Variants in CTSC observed in about 807,000 individuals in gnomAD.
CTSC encodes the protein dipeptidyl peptidase 1.
Under a neutral mutation model 40.9 loss-of-function variants are expected in CTSC, and 37 were observed. That is an observed-to-expected ratio of 0.91 (90% CI 0.70 to 1.19). The LOEUF is 1.19. CTSC is among the 50% of genes most tolerant of loss of function. The pLI, the probability that CTSC is intolerant of heterozygous loss-of-function variation, is 0.00. For missense variants in CTSC, 594 were observed against 567.3 expected (o/e 1.05, Z -0.48); for synonymous variants, 232 against 207.4 (o/e 1.12, Z -1.02).
intron 4 of CTSC, 52 bp from the exon 5 acceptor site, chr11:88,300,697 T>C (rs1944350324): frequency 2.6e-6 from 3 of 1,144,124 alleles, no homozygotes; most frequent in Non-Finnish European, 4.0e-6. Context: ...CCTTTGAGGA[T>C]GATTTCCTAA....
At chr11:88,315,400 A>G (rs1417509797) in intron 2 of CTSC, among the ~76,000 whole-genome samples, 1 of 152,238 alleles carries the variant, frequency 6.6e-6, no homozygotes, top group Non-Finnish European at 1.5e-5. Flanking sequence ...TTTAAAAAGT[A>G]TTAGGTAAAC....
rs775201891 is a variant in CTSC at position 88,294,073 on chromosome 11, C to T, written c.1325G>A (p.Arg442His). ...AATTGCACACTCATCAGTTCCTCTG[C>T]GGATCCGGAAGTAGCCATTCTCACC... is the stretch of plus-strand genomic sequence containing the variant. Reference protein sequence around the residue: ...GWGENGYFRIRRGTDECAIES... With the variant: ...GWGENGYFRIHRGTDECAIES... Residue 442 changes from arginine to histidine, a missense_variant, in exon 7 of 7, where the codon CGC becomes CAC. Coordinates refer to ENST00000227266, the MANE Select transcript of CTSC (RefSeq NM_001814.6). 1.5e-5 allele frequency: 25 copies of T among 1,613,884 alleles called. No individual in the cohort carries two copies. The highest frequency in any genetic ancestry group is 1.6e-4 in the Middle Eastern group (1 of 6,084).
intron 2 of CTSC, chr11:88,323,085 C>A (rs1287542541): frequency 1.3e-5 from 2 of 152,214 alleles, no homozygotes; most frequent in Admixed American, 6.5e-5. Flanking sequence ...GTCAAGTTGG[C>A]TTCATCCCCA....
chr11:88,313,281 G>A (rs1469901234), intron 2 of CTSC, among the ~76,000 whole-genome samples: 30 of 152,172 alleles, frequency 2.0e-4, no homozygotes, highest in Non-Finnish European at 1.2e-4. Context: ...ATGTTGGCCA[G>A]GCTGGTCTTG....
At position 88,336,416 on chromosome 11, in the gene CTSC, G is replaced by A. The variant is rs566054333; in HGVS notation, c.172+1085C>T. ...TAGCCGGGCGTGGTGGCATGTGCCCGTAATCCTAGCTACTCGGGAGACTGA... is the reference window on the plus strand; with the variant it reads ...TAGCCGGGCGTGGTGGCATGTGCCCATAATCCTAGCTACTCGGGAGACTGA... On this transcript the variant is annotated intron_variant, in intron 1 of 6. Transcript: ENST00000227266. 2.6e-5 allele frequency among the ~76,000 whole-genome samples: 4 copies of A among 151,346 alleles called. No homozygotes were observed. The South Asian group carries it at 8.4e-4, about 32-fold the overall frequency.
At chr11:88,336,607 T>G (rs1000429215) in intron 1 of CTSC, among the ~76,000 whole-genome samples, 6 of 152,162 alleles carry the variant, frequency 3.9e-5, no homozygotes, top group African/African-American at 1.4e-4. Flanking sequence ...TAAAAAGGTA[T>G]TTCTTTAGTA....
intron 2 of CTSC, among the ~76,000 whole-genome samples, chr11:88,320,642 A>G (rs1937981756): frequency 6.6e-6 from 1 of 152,222 alleles, no homozygotes. Flanking sequence ...CTTGGCCTCT[A>G]TAGGCTTACA....
In CTSC at chr11:88,294,412, G is replaced by C; in HGVS notation, c.986C>G (p.Ser329Cys). 3 of 1,614,136 alleles carry C rather than the reference G, an allele frequency of 1.9e-6. No individual in the cohort carries two copies. Among genetic ancestry groups the C allele is most frequent in the Non-Finnish European group, 2.5e-6 (3 of 1,180,014 alleles). Residue 329 changes from serine to cysteine, a missense_variant, in exon 7 of 7, where the codon TCT becomes TGT. By Grantham distance (112) the Ser-to-Cys change is moderately radical. Coordinates refer to ENST00000227266, the MANE Select transcript of CTSC (RefSeq NM_001814.6). ...EACFPYTGTD[S>C]PCKMKEDCFR... ...GCAGTCTTCCTTCATTTTGCATGGA[G>C]AATCAGTGCCTGTGTAGGGGAAGCA...
intron 4 of CTSC, among the ~76,000 whole-genome samples, chr11:88,302,051 C>T (rs1009213967): frequency 1.3e-5 from 2 of 152,182 alleles, no homozygotes; most frequent in African/African-American, 4.8e-5. Context: ...AGCGAAAACT[C>T]ACTTCCTCTC....
chr11:88,310,566 G>T (rs371354854), intron 3 of CTSC, among the ~76,000 whole-genome samples: 2 of 152,082 alleles, frequency 1.3e-5, no homozygotes, highest in African/African-American at 4.8e-5. Flanking sequence ...TGTAGAGAGA[G>T]AATTTTGATA....
In CTSC at chr11:88,309,812, G is replaced by GCACACA. The variant is rs746757518; in HGVS notation, c.486-495_486-494insTGTGTG. 7.6e-4 allele frequency among the ~76,000 whole-genome samples: 82 copies of GCACACA among 108,060 alleles called. No homozygotes were observed. The South Asian group carries it at 0.01, about 14-fold the overall frequency. The allele number at this position is 108,060 out of a possible 152,430, so 70.9% of individuals were successfully genotyped here. ...ATAATACATACATATATATGTATGCGCGCACACACACACACACACACACAC... is the reference window on the plus strand; with the variant it reads ...ATAATACATACATATATATGTATGCGCACACACGCACACACACACACACACACACAC... On this transcript the variant is annotated intron_variant, in intron 3 of 6. Coordinates refer to ENST00000227266, the MANE Select transcript of CTSC (RefSeq NM_001814.6).
Position 88,337,646 on chromosome 11 carries a change from G to GA in CTSC, c.26dup (p.Ala10ArgfsTer25). 1 of 1,582,264 alleles carries GA rather than the reference G, an allele frequency of 6.3e-7. No homozygotes were observed. Among genetic ancestry groups the GA allele is most frequent in the South Asian group, 1.2e-5 (1 of 86,752 alleles). ...CGGAGAGAAGCAGCAGGAGGGCGGC[G>GA]AGCAGCAAGGAGGGCCCAGCACCCA... On this transcript the variant is annotated frameshift_variant, in exon 1 of 7. Transcript: ENST00000227266. LOFTEE classifies it high-confidence loss of function.
intron 2 of CTSC, chr11:88,328,242 A>C (rs1938247108): frequency 1.6e-6 from 2 of 1,287,084 alleles, no homozygotes; most frequent in Non-Finnish European, 2.3e-6. Flanking sequence ...TGTTGAGATT[A>C]AGCATCATCA....
At chr11:88,325,040 A>G (rs1938142746) in intron 2 of CTSC, 1 of 985,344 alleles carries the variant, frequency 1.0e-6, no homozygotes, top group African/African-American at 1.7e-5. Flanking sequence ...GTCCACCCAG[A>G]CAATATGAAT....
intron 2 of CTSC, chr11:88,325,837 C>T: frequency 1.0e-6 from 1 of 986,640 alleles, no homozygotes; most frequent in Admixed American, 6.1e-5. Context: ...ATATGTCCTC[C>T]ATAGGACCAT....
intron 2 of CTSC, among the ~76,000 whole-genome samples, chr11:88,329,269 G>T (rs978074828): frequency 2.0e-5 from 3 of 151,754 alleles, no homozygotes; most frequent in Non-Finnish European, 1.5e-5. Context: ...ATCACTTGGG[G>T]TCAGGAGTTC....
chr11:88,312,288 G>A (rs1453988796), intron 3 of CTSC, 100 bp downstream of exon 3: 58 of 1,153,314 alleles, frequency 5.0e-5, no homozygotes, highest in Non-Finnish European at 1.3e-6. Flanking sequence ...CTAAGCCAAA[G>A]ATATTTTGTA....
intron 4 of CTSC, among the ~76,000 whole-genome samples, chr11:88,303,183 G>A (rs1363046649): frequency 6.6e-6 from 1 of 152,112 alleles, no homozygotes; most frequent in Non-Finnish European, 1.5e-5. Context: ...CAACACAAAA[G>A]ACTTCTGTGA....
intron 2 of CTSC, among the ~76,000 whole-genome samples, chr11:88,320,266 T>C (rs1937969574): frequency 1.3e-5 from 2 of 152,240 alleles, no homozygotes; most frequent in South Asian, 4.1e-4. Flanking sequence ...AATCTGTTTA[T>C]TTCCAGTGCT....
Sources: allele counts gnomAD v4.1 joint callset (sites outside exome capture counted in the v4.1 genomes callset), GRCh38; gene constraint gnomAD v4.1.1; transcripts MANE v1.5; gene names NCBI Gene and HGNC (gene_info 2026-07-23, HGNC 2026-07-21).